The following CACNB2 variants were observed in gnomAD, a reference collection of about 807,000 sequenced individuals.
CACNB2 encodes the protein voltage-dependent L-type calcium channel subunit beta-2.
In CACNB2, 42 loss-of-function variants were observed where a neutral mutation model predicts 73.3. That is an observed-to-expected ratio of 0.57 (90% CI 0.45 to 0.74). The LOEUF (loss-of-function observed/expected upper bound fraction) is 0.74. Ranked by LOEUF, CACNB2 falls within the 30% of genes least tolerant of loss-of-function variation. The pLI is 0.00. For synonymous variants in CACNB2, 348 were observed against 310.3 expected (o/e 1.12, Z -1.28); for missense variants, 940 against 853.0 (o/e 1.10, Z -1.27).
intron 3 of CACNB2, among the ~76,000 whole-genome samples, chr10:18,423,742 C>T (rs2045450388): frequency 6.6e-6 from 1 of 152,012 alleles, no homozygotes; most frequent in Admixed American, 6.6e-5. Context: ...TCTAATATTC[C>T]CCCCTCCATG....
intron 2 of CACNB2, among the ~76,000 whole-genome samples, chr10:18,164,888 A>AT (rs2032740088): frequency 2.0e-5 from 3 of 152,146 alleles, no homozygotes; most frequent in Non-Finnish European, 4.4e-5. Flanking sequence ...GCTAGACTTT[A>AT]TTTGTACTAA....
chr10:18,364,297 C>T (rs559799880), intron 2 of CACNB2, among the ~76,000 whole-genome samples: 1 of 116,432 alleles, frequency 8.6e-6, no homozygotes, highest in Admixed American at 8.8e-5. Context: ...GGATTTTTAA[C>T]TAATTTTTTT....
chr10:18,387,659 C>T (rs957022884), intron 2 of CACNB2, among the ~76,000 whole-genome samples: 3 of 152,092 alleles, frequency 2.0e-5, no homozygotes, highest in Non-Finnish European at 2.9e-5. Context: ...AAGGATCTAG[C>T]ACATAACATA....
chr10:18,407,109 C>CTTTTTTTTTTTTTTTTTTTTTTTTTTTTT lies in CACNB2; in HGVS notation c.333+5069_333+5097dup, dbSNP rs71507267. On this transcript the variant is annotated intron_variant, in intron 3 of 13. Transcript: ENST00000324631. ...CTAAAGTCCAGACCTGCTGTTCTGT[C>CTTTTTTTTTTTTTTTTTTTTTTTTTTTTT]TTTTTTTTTTTTTTTTTTTTTTTTT... is the stretch of plus-strand genomic sequence containing the variant. Among the ~76,000 whole-genome samples, 12 of 35,614 alleles carry CTTTTTTTTTTTTTTTTTTTTTTTTTTTTT rather than the reference C, an allele frequency of 3.4e-4. 4 individuals are homozygous for CTTTTTTTTTTTTTTTTTTTTTTTTTTTTT. Among genetic ancestry groups the CTTTTTTTTTTTTTTTTTTTTTTTTTTTTT allele is most frequent in the East Asian group, 8.7e-4 (1 of 1,152 alleles). The allele number at this position is 35,614 out of a possible 152,430, so 23.4% of individuals were successfully genotyped here.
rs1489491866 is a variant in CACNB2 at position 18,289,284 on chromosome 10, G to GTTTTTTTTTTTTTTT, written c.214-112633_214-112632insTTTTTTTTTTTTTTT. On this transcript the variant is annotated intron_variant, in intron 2 of 13. Coordinates refer to ENST00000324631, the MANE Select transcript of CACNB2 (RefSeq NM_201596.3). ...GAAGTTGTCTTCATTTTTTTTTCTT[G>GTTTTTTTTTTTTTTT]TTTTTTTGTTTTGTTTTTTTTTTTT... Among the ~76,000 whole-genome samples, 7 of 85,542 alleles carry GTTTTTTTTTTTTTTT rather than the reference G, an allele frequency of 8.2e-5. 1 individual carries two copies. Among genetic ancestry groups the GTTTTTTTTTTTTTTT allele is most frequent in the African/African-American group, 3.5e-4 (6 of 17,144 alleles). 56.1% of individuals were successfully genotyped at this position (85,542 alleles called of 152,430 possible).
intron 2 of CACNB2, among the ~76,000 whole-genome samples, chr10:18,188,028 C>A (rs186844214): frequency 5.3e-5 from 8 of 152,278 alleles, no homozygotes; most frequent in African/African-American, 1.9e-4. Context: ...AGAGTAGGAT[C>A]TGCTTGGTGA....
At chr10:18,499,054 C>A (rs950415917) in intron 4 of CACNB2, among the ~76,000 whole-genome samples, 1 of 152,154 alleles carries the variant, frequency 6.6e-6, no homozygotes, top group Non-Finnish European at 1.5e-5. Context: ...ACACAACCTG[C>A]AAATTGGAAA....
chr10:18,535,721 C>T (rs548190492), intron 11 of CACNB2, among the ~76,000 whole-genome samples: 14 of 141,538 alleles, frequency 9.9e-5, no homozygotes, highest in South Asian at 2.1e-4. Context: ...TGCAGTGAGC[C>T]GAGATCGCAC....
chr10:18,481,889 A>AT (rs886246484), intron 3 of CACNB2, among the ~76,000 whole-genome samples: 6 of 152,000 alleles, frequency 3.9e-5, no homozygotes, highest in South Asian at 2.1e-4. Flanking sequence ...GCTGGTCACA[A>AT]TTTTTTTTCT....
chr10:18,340,187 G>A (rs1281712657), intron 2 of CACNB2, among the ~76,000 whole-genome samples: 2 of 152,100 alleles, frequency 1.3e-5, no homozygotes, highest in African/African-American at 4.8e-5. Flanking sequence ...ATATATGTGT[G>A]TGTTGCAAGC....
At chr10:18,142,904 G>A (rs1007728300) in intron 1 of CACNB2, among the ~76,000 whole-genome samples, 1 of 152,158 alleles carries the variant, frequency 6.6e-6, no homozygotes, top group Non-Finnish European at 1.5e-5. Flanking sequence ...TAATAAACAC[G>A]CTATTTGGAG....
intron 2 of CACNB2, among the ~76,000 whole-genome samples, chr10:18,307,050 G>T (rs1186085346): frequency 6.6e-6 from 1 of 152,010 alleles, no homozygotes; most frequent in East Asian, 1.9e-4. Flanking sequence ...AAGGGTAAAG[G>T]CAGGATTTTG....
At chr10:18,321,113 A>G (rs377575433) in intron 2 of CACNB2, among the ~76,000 whole-genome samples, 2 of 152,352 alleles carry the variant, frequency 1.3e-5, no homozygotes, top group East Asian at 3.9e-4. Context: ...GAATTGAGAA[A>G]GCAGAAATAG....
intron 3 of CACNB2, among the ~76,000 whole-genome samples, chr10:18,483,296 C>T (rs7067797): frequency 0.49 from 74,076 of 151,016 alleles, 18,281 homozygotes; most frequent in South Asian, 0.67. Flanking sequence ...TTTGGGAGGC[C>T]GAGGCCGGTG....
At chr10:18,340,682 A>G in intron 2 of CACNB2, 1 of 1,399,352 alleles carries the variant, frequency 7.1e-7, no homozygotes, top group South Asian at 1.6e-5. Flanking sequence ...GCGTTTGTTA[A>G]TTGACTTTGA....
chr10:18,183,611 A>G (rs937319931), intron 2 of CACNB2, among the ~76,000 whole-genome samples: 4 of 152,146 alleles, frequency 2.6e-5, no homozygotes, highest in African/African-American at 9.7e-5. Context: ...AGACTTATTC[A>G]GTGTCATGAG....
intron 2 of CACNB2, among the ~76,000 whole-genome samples, chr10:18,179,937 G>C (rs1474341240): frequency 6.6e-6 from 1 of 152,130 alleles, no homozygotes; most frequent in Non-Finnish European, 1.5e-5. Flanking sequence ...CCTTGGTATA[G>C]ATGAGGCTTG....
At chr10:18,210,157 A>C (rs2035259526) in intron 2 of CACNB2, among the ~76,000 whole-genome samples, 1 of 152,160 alleles carries the variant, frequency 6.6e-6, no homozygotes. Flanking sequence ...GCGTGGCAGG[A>C]CAGAGTTGAT....
chr10:18,531,287 C>T (rs1366901253), intron 10 of CACNB2, among the ~76,000 whole-genome samples: 2 of 152,084 alleles, frequency 1.3e-5, no homozygotes, highest in Non-Finnish European at 2.9e-5. Flanking sequence ...TCCTATCACC[C>T]AGGTATTAAG....
Sources: gnomAD v4.1 joint callset for allele counts (sites outside exome capture counted in the v4.1 genomes callset) on GRCh38, gnomAD v4.1.1 for gene constraint, MANE v1.5 for transcripts, NCBI Gene and HGNC (gene_info 2026-07-23, HGNC 2026-07-21) for gene names.